MYO1H: variants seen among roughly 807,000 people sequenced by gnomAD.
MYO1H encodes myosin IH, also known as unconventional myosin-Ih.
In MYO1H, 118 loss-of-function variants were observed where a neutral mutation model predicts 149.3. That is an observed-to-expected ratio of 0.79 (90% confidence interval 0.68 to 0.92). The LOEUF is 0.92. MYO1H is among the 40% of genes least tolerant of loss of function. The pLI is 0.00. For missense variants in MYO1H, 1,212 were observed against 1,280.7 expected (o/e 0.95, Z 0.82); for synonymous variants, 447 against 465.2 (o/e 0.96, Z 0.50).
chr12:109,318,966 G>T, the MYO1H span, among the ~76,000 whole-genome samples: 957 of 61,092 alleles, frequency 0.016, 101 homozygotes, highest in African/African-American at 0.042. Flanking sequence ...CTGCGTTTTT[G>T]GTTTTGTTTT....
At chr12:109,404,307 G>C (rs145781730) in intron 7 of MYO1H, among the ~76,000 whole-genome samples, 4,125 of 152,164 alleles carry the variant, frequency 0.027, 74 homozygotes, top group Non-Finnish European at 0.043. Context: ...GTGAAACCCT[G>C]TCTGTACTAA....
chr12:109,341,248 C>G, the MYO1H span, among the ~76,000 whole-genome samples: 21 of 116,874 alleles, frequency 1.8e-4, no homozygotes, highest in Admixed American at 1.2e-3. Context: ...AAAAAAAATC[C>G]TTTTCACAGC....
chr12:109,399,567 G>C (rs1403463062), intron 5 of MYO1H, among the ~76,000 whole-genome samples: 9 of 135,352 alleles, frequency 6.6e-5, no homozygotes, highest in Admixed American at 4.8e-4. Context: ...ACTCCAGCCT[G>C]AGCAAGAGAG....
intron 5 of MYO1H, among the ~76,000 whole-genome samples, chr12:109,399,376 G>A (rs1322565198): frequency 2.6e-5 from 4 of 151,792 alleles, no homozygotes; most frequent in African/African-American, 9.7e-5. Context: ...CAGATCACCC[G>A]AGGTCAGGAG....
chr12:109,381,107 C>T (rs181153728), intron 1 of MYO1H, among the ~76,000 whole-genome samples: 6 of 152,254 alleles, frequency 3.9e-5, no homozygotes, highest in East Asian at 3.9e-4. Context: ...AGGGTATGAA[C>T]GTGGCAGCTA....
chr12:109,380,236 T>G (rs577854681), intron 1 of MYO1H, among the ~76,000 whole-genome samples: 3 of 152,062 alleles, frequency 2.0e-5, no homozygotes, highest in South Asian at 4.1e-4. Flanking sequence ...AGGAGGAGGA[T>G]GAGAATGCAG....
At chr12:109,344,480 G>T (rs1219619329), upstream of MYO1H, among the ~76,000 whole-genome samples, 2 of 152,172 alleles carry the variant, frequency 1.3e-5, no homozygotes, top group Non-Finnish European at 2.9e-5. Context: ...GAAAGAAATT[G>T]AAGAAGACCT....
At chr12:109,355,529 G>T (rs376797224) in intron 1 of MYO1H, among the ~76,000 whole-genome samples, 1 of 152,048 alleles carries the variant, frequency 6.6e-6, no homozygotes, top group African/African-American at 2.4e-5. Flanking sequence ...AATTATCTAC[G>T]ATACCTGTCG....
chr12:109,427,562 G>C (rs1871405450), exon 19 of MYO1H: 1 of 1,612,022 alleles, frequency 6.2e-7, no homozygotes, highest in East Asian at 2.2e-5. Flanking sequence ...GCATACCGAA[G>C]GAAATACGAG....
intron 1 of MYO1H, among the ~76,000 whole-genome samples, chr12:109,378,560 G>GC (rs1004726732): frequency 6.6e-6 from 1 of 152,090 alleles, no homozygotes; most frequent in Non-Finnish European, 1.5e-5. Context: ...CTGAGCTCAA[G>GC]CCCCCGTCTG....
Position 109,410,705 on chromosome 12 carries a change from T to G in MYO1H, c.1347T>G (p.Tyr449Ter), listed in dbSNP as rs770475009. 3.1e-6 allele frequency: 5 copies of G among 1,599,556 alleles called. No homozygotes were observed. Among genetic ancestry groups the G allele is most frequent in the Non-Finnish European group, 3.4e-6 (4 of 1,170,054 alleles). ...CATTTTAGTGGGAGCCAATTAAATA[T>G]TTCAACAACAAGATCATCTGTGATT... Residue 449 changes from tyrosine (Y) to a stop codon, truncating the protein, a stop_gained, in exon 13 of 32, where the codon TAT (tyrosine) becomes TAG (stop). Coordinates refer to ENST00000310903, the Ensembl canonical transcript of MYO1H. LOFTEE classifies it high-confidence loss of function.
chr12:109,389,181 A>T (rs912555017), intron 2 of MYO1H, among the ~76,000 whole-genome samples: 1 of 152,206 alleles, frequency 6.6e-6, no homozygotes, highest in Admixed American at 6.5e-5. Context: ...TCTCAAGTGC[A>T]TGGCAGCAAG....
chr12:109,402,389 CT>C (rs1365622561), intron 6 of MYO1H, among the ~76,000 whole-genome samples: 12 of 152,086 alleles, frequency 7.9e-5, no homozygotes, highest in Non-Finnish European at 1.5e-5. Flanking sequence ...AAAATGAGGT[CT>C]TATAAAATGA....
At chr12:109,370,275 C>T (rs1868954866) in intron 1 of MYO1H, among the ~76,000 whole-genome samples, 1 of 152,192 alleles carries the variant, frequency 6.6e-6, no homozygotes, top group Admixed American at 6.5e-5. Context: ...ACCAGCTCAG[C>T]TCACCCCTTC....
intron 3 of MYO1H, 42 bp from the exon 4 acceptor site, chr12:109,396,342 T>C: frequency 6.5e-7 from 1 of 1,530,750 alleles, no homozygotes; most frequent in Non-Finnish European, 8.9e-7. Flanking sequence ...TCAAGGGAAG[T>C]ACCATTAAAA....
In MYO1H at chr12:109,435,021, T is replaced by C. The variant is rs759072100; in HGVS notation, c.2064-16T>C. 1.9e-6 allele frequency: 3 copies of C among 1,579,402 alleles called. No individual in the cohort carries two copies. In the Admixed American group the frequency reaches 5.4e-5, roughly 28 times the overall value. On this transcript the variant is annotated splice_polypyrimidine_tract_variant and intron_variant, in intron 20 of 31. Coordinates refer to ENST00000310903, the Ensembl canonical transcript of MYO1H. ...ACTGACCAATTAATAACAAAAACAT[T>C]TCTTTTCACTTCTAGAACCAAAATA...
Position 109,420,989 on chromosome 12 carries a change from GA to G in MYO1H, c.1613del (p.Asn538ThrfsTer9). 1 of 1,578,578 alleles carries G rather than the reference GA, an allele frequency of 6.3e-7. No individual in the cohort carries two copies. Among genetic ancestry groups the G allele is most frequent in the Non-Finnish European group, 8.7e-7 (1 of 1,152,164 alleles). ...TCTTCAATGTTTTACAGGATTCTTG[GA>G]AAAAAACAATGATCTTCTTTACAGA... On this transcript the variant is annotated frameshift_variant, in exon 16 of 32. Transcript: ENST00000310903. LOFTEE classifies it high-confidence loss of function.
At position 109,370,864 on chromosome 12, in the gene MYO1H, CT is replaced by C. The variant is rs576338091; in HGVS notation, c.13-17818del. On this transcript the variant is annotated intron_variant, in intron 1 of 31. Transcript: ENST00000310903. ...GACACACAATGAAAAAGACTTACCCCTGAGAGGCTTCTAGAAGGGCTCAGCC... is the reference window on the plus strand; with the variant it reads ...GACACACAATGAAAAAGACTTACCCCGAGAGGCTTCTAGAAGGGCTCAGCC... Among the ~76,000 whole-genome samples, 43 of 152,308 alleles carry C rather than the reference CT, an allele frequency of 2.8e-4. 1 individual carries two copies. The highest frequency in any genetic ancestry group is 1.0e-3 in the African/African-American group (43 of 41,570).
the MYO1H span, among the ~76,000 whole-genome samples, chr12:109,317,880 G>T: frequency 2.0e-5 from 3 of 152,162 alleles, no homozygotes; most frequent in Non-Finnish European, 4.4e-5. Flanking sequence ...TTCTAGAGGT[G>T]CTGTGCAACT....
Sources: allele counts gnomAD v4.1 joint callset (sites outside exome capture counted in the v4.1 genomes callset), GRCh38; gene constraint gnomAD v4.1.1; transcripts MANE v1.5; gene names NCBI Gene and HGNC (gene_info 2026-07-23, HGNC 2026-07-21).